USP40: variants seen among roughly 807,000 people sequenced by gnomAD.
USP40 encodes the protein ubiquitin specific peptidase 40, also known as ubiquitin carboxyl-terminal hydrolase 40.
In USP40, 143 loss-of-function variants were observed where a neutral mutation model predicts 166.2. The observed-to-expected ratio is 0.86, with a 90% CI of 0.75 to 0.99. The LOEUF is 0.99. Among genes scored for constraint, USP40 ranks in the 50% least tolerant of loss-of-function variants. The pLI is 0.00. For missense variants in USP40, 1,444 were observed against 1,479.7 expected (o/e 0.98, Z 0.40); for synonymous variants, 498 against 524.0 (o/e 0.95, Z 0.68).
At chr2:233,523,526 T>C (rs1485487127) in intron 15 of USP40, 37 bp from the exon 16 acceptor site, 1 of 1,563,742 alleles carries the variant, frequency 6.4e-7, no homozygotes, top group Admixed American at 1.8e-5. Context: ...GTACAGCTGA[T>C]ATTTGCCAAC....
Position 233,477,439 on chromosome 2 carries a change from G to A in USP40, c.3664C>T (p.Arg1222Ter), listed in dbSNP as rs574631582. ...LSSAETPARP[R>*]APETSLSIHV... The stretch of plus-strand genomic sequence containing the variant: ...ATGGAGAGAGAAGTTTCCGGGGCTC[G>A]GGGCCGGGCAGGCGTCTCTGCACTG... The change falls in exon 32 of 32, where the codon CGA becomes TGA. Residue 1222 changes from arginine to a stop codon, truncating the protein, a stop_gained. Coordinates refer to ENST00000678225, the MANE Select transcript of USP40 (RefSeq NM_001365479.2). LOFTEE classifies it high-confidence loss of function. 2.0e-5 allele frequency: 32 copies of A among 1,613,810 alleles called. No individual in the cohort carries two copies. Among genetic ancestry groups the A allele is most frequent in the East Asian group, 6.7e-5 (3 of 44,880 alleles).
At position 233,533,330 on chromosome 2, in the gene USP40, G is replaced by C. The variant is rs1293486746; in HGVS notation, c.1471+149C>G. 4.1e-6 allele frequency: 3 copies of C among 727,880 alleles called. No homozygotes were observed. In the African/African-American group the frequency reaches 5.3e-5, roughly 13 times the overall value. The allele number at this position is 727,880 out of a possible 1,614,324, so 45.1% of individuals were successfully genotyped here. On this transcript the variant is annotated intron_variant, in intron 11 of 31. Coordinates refer to ENST00000678225, the MANE Select transcript of USP40 (RefSeq NM_001365479.2). ...AATGACAAATTGTTAGATTTCATTT[G>C]GCATAATATAGTTCTTGTTAGCTTT...
rs1575345186 is a variant in USP40, at chr2:233,556,781, A to G, written c.546+74T>C. On this transcript the variant is annotated intron_variant, in intron 5 of 31. Transcript: ENST00000678225. The stretch of plus-strand genomic sequence containing the variant: ...ATAAACACTTTAATCCTTGTGTGGT[A>G]TATATCATACATTTAATTACATGGA... The G allele has an allele frequency of 4.3e-6, 6 of 1,389,922 alleles. 1 individual carries two copies. In the South Asian group the frequency reaches 7.6e-5, roughly 18 times the overall value. The allele number at this position is 1,389,922 out of a possible 1,614,324, so 86.1% of individuals were successfully genotyped here.
chr2:233,511,494 C>CA (rs1195364978), intron 20 of USP40, among the ~76,000 whole-genome samples: 1 of 152,036 alleles, frequency 6.6e-6, no homozygotes, highest in Non-Finnish European at 1.5e-5. Context: ...CTTTTAACCA[C>CA]AAAATCTTCA....
chr2:233,530,766 T>G (rs2068456087), intron 11 of USP40, among the ~76,000 whole-genome samples: 1 of 152,224 alleles, frequency 6.6e-6, no homozygotes, highest in South Asian at 2.1e-4. Flanking sequence ...TTTATATCAT[T>G]TCCCCAATTT....
At chr2:233,508,377 C>T (rs2125142030) in intron 21 of USP40, among the ~76,000 whole-genome samples, 1 of 152,310 alleles carries the variant, frequency 6.6e-6, no homozygotes, top group South Asian at 2.1e-4. Flanking sequence ...TTGTCCCCTG[C>T]AATTTATCTT....
intron 21 of USP40, among the ~76,000 whole-genome samples, chr2:233,506,009 T>C (rs907973898): frequency 6.6e-6 from 1 of 152,046 alleles, no homozygotes; most frequent in Non-Finnish European, 1.5e-5. Flanking sequence ...AAAAAATTCA[T>C]AAGGAACCAC....
chr2:233,476,182 G>T lies in USP40; in HGVS notation c.*1210C>A, dbSNP rs1039545269. The T allele has an allele frequency of 1.3e-5, 2 of 152,398 alleles. No homozygotes were observed. Among genetic ancestry groups the T allele is most frequent in the African/African-American group, 4.8e-5 (2 of 41,434 alleles). The allele number at this position is 152,398 out of a possible 1,614,324, so 9.4% of individuals were successfully genotyped here. On this transcript the variant is annotated 3_prime_UTR_variant, in exon 32 of 32. Transcript: ENST00000678225. ...ATCAGCTTGTTGGAAAAGGGTCACA[G>T]GCAGGGGAGCGCCTGACTCCAGCGG...
chr2:233,489,298 C>T lies in USP40; in HGVS notation c.3131+67G>A, dbSNP rs151264366. Reference sequence around the variant, plus strand: ...CAGCTCAGAAGACTGATTCCTCCTCCATCCCTCACACCAGCCAGTGCGTCA... The same window carrying T: ...CAGCTCAGAAGACTGATTCCTCCTCTATCCCTCACACCAGCCAGTGCGTCA... On this transcript the variant is annotated intron_variant, in intron 27 of 31. Transcript: ENST00000678225. The T allele has an allele frequency of 1.4e-3, 1,957 of 1,399,638 alleles. 11 individuals carry two copies. The African/African-American group carries it at 0.025, about 18-fold the overall frequency. 86.7% of individuals were successfully genotyped at this position (1,399,638 alleles called of 1,614,324 possible).
At chr2:233,496,689 G>A in intron 24 of USP40, 69 bp downstream of exon 24, 1 of 1,337,764 alleles carries the variant, frequency 7.5e-7, no homozygotes, top group South Asian at 1.3e-5. Flanking sequence ...CCTAAATGAG[G>A]CTGTATCATC....
At position 233,493,326 on chromosome 2, in the gene USP40, G is replaced by A. The variant is rs747808751; in HGVS notation, c.2917+99C>T. On this transcript the variant is annotated intron_variant, in intron 25 of 31. Transcript: ENST00000678225. The surrounding 1 kb of genome is among the most constrained non-coding windows in gnomAD (Gnocchi z 4.7). ...TAGGTCTTGATTTTCAAGATCTTACGTTTTAAAAATAAATATATCAATTGA... is the reference window on the plus strand; with the variant it reads ...TAGGTCTTGATTTTCAAGATCTTACATTTTAAAAATAAATATATCAATTGA... 46 of 1,511,806 alleles carry A rather than the reference G, an allele frequency of 3.0e-5. No individual in the cohort carries two copies. Among genetic ancestry groups the A allele is most frequent in the South Asian group, 5.9e-5 (5 of 84,184 alleles). The allele number at this position is 1,511,806 out of a possible 1,614,324, so 93.6% of individuals were successfully genotyped here. A position where few individuals can be genotyped will look rare whatever the true frequency, so the allele number is the denominator to read the frequency against.
intron 14 of USP40, 68 bp from the exon 15 acceptor site, chr2:233,524,630 T>A: frequency 7.9e-7 from 1 of 1,259,064 alleles, no homozygotes; most frequent in South Asian, 1.6e-5. Context: ...AAGAAAGAGC[T>A]GAGACAAATA....
chr2:233,534,020 A>G (rs1159783192), intron 10 of USP40, among the ~76,000 whole-genome samples: 1 of 152,202 alleles, frequency 6.6e-6, no homozygotes, highest in Non-Finnish European at 1.5e-5. Context: ...CAATCTAAAA[A>G]GCATTTTGAT....
intron 1 of USP40, among the ~76,000 whole-genome samples, chr2:233,565,904 T>C (rs746237317): frequency 1.3e-5 from 2 of 152,216 alleles, no homozygotes; most frequent in Non-Finnish European, 2.9e-5. Flanking sequence ...AAGTAACAGC[T>C]GTTTTTAAAA....
At chr2:233,549,283 T>C (rs1005938311) in intron 7 of USP40, 54 bp from the exon 8 acceptor site, 2 of 1,117,916 alleles carry the variant, frequency 1.8e-6, no homozygotes, top group Admixed American at 6.2e-5. Context: ...ATGCTGATAA[T>C]AATCAAAAGA....
chr2:233,494,708 T>G (rs1300065211), intron 24 of USP40, among the ~76,000 whole-genome samples: 2 of 150,332 alleles, frequency 1.3e-5, no homozygotes, highest in African/African-American at 4.9e-5. Context: ...TAAAAAAATG[T>G]TTAAAAATTA....
In USP40 at chr2:233,476,060, C is replaced by T. The variant is rs1427637792; in HGVS notation, c.*1332G>A. The T allele has an allele frequency of 1.3e-5, 2 of 152,352 alleles. No homozygotes were observed. The highest frequency in any genetic ancestry group is 2.9e-5 in the Non-Finnish European group (2 of 68,058). 9.4% of individuals were successfully genotyped at this position (152,352 alleles called of 1,614,324 possible). On this transcript the variant is annotated 3_prime_UTR_variant, in exon 32 of 32. Coordinates refer to ENST00000678225, the MANE Select transcript of USP40 (RefSeq NM_001365479.2). ...AACGCACAGACGTCTATGGCAGACG[C>T]TCTCAGACACGTGTGCAGAAGCGAC...
At chr2:233,489,176 C>G (rs2065143565) in intron 27 of USP40, among the ~76,000 whole-genome samples, 189 bp downstream of exon 27, 1 of 152,194 alleles carries the variant, frequency 6.6e-6, no homozygotes. Context: ...TACATTTATA[C>G]TTAACATGGA....
intron 31 of USP40, 140 bp downstream of exon 31, chr2:233,481,063 A>C: frequency 1.4e-6 from 1 of 733,298 alleles, no homozygotes; most frequent in South Asian, 2.1e-5. Flanking sequence ...GGGGGCGGAG[A>C]AGGACCCGCC....
Sources: allele counts gnomAD v4.1 joint callset (sites outside exome capture counted in the v4.1 genomes callset), GRCh38; gene constraint gnomAD v4.1.1; non-coding constraint Gnocchi (gnomAD v3.1); transcripts MANE v1.5; gene names NCBI Gene and HGNC (gene_info 2026-07-23, HGNC 2026-07-21).